WWC1: variants seen among roughly 807,000 people sequenced by gnomAD.
WWC1 encodes the protein protein KIBRA.
WWC1 carries 55 observed loss-of-function variants against 138.4 expected under a neutral mutation model. That is an observed-to-expected ratio of 0.40 (90% CI 0.32 to 0.50). WWC1 has a LOEUF of 0.50. Ranked by LOEUF, WWC1 falls within the 20% of genes least tolerant of loss-of-function variation. The pLI, the probability that WWC1 is intolerant of heterozygous loss-of-function variation, is 0.72. For missense variants in WWC1, 1,226 were observed against 1,420.4 expected (o/e 0.86, Z 2.20); for synonymous variants, 524 against 564.9 (o/e 0.93, Z 1.03).
At chr5:168,349,496 C>T (rs111510805) in intron 1 of WWC1, among the ~76,000 whole-genome samples, 4 of 152,218 alleles carry the variant, frequency 2.6e-5, no homozygotes, top group East Asian at 1.9e-4. Flanking sequence ...GGCCAAGCAG[C>T]CTCACCCTCT....
At chr5:168,364,609 C>T (rs572309804) in intron 1 of WWC1, among the ~76,000 whole-genome samples, 1 of 152,306 alleles carries the variant, frequency 6.6e-6, no homozygotes, top group East Asian at 1.9e-4. Context: ...CTAGCATGGG[C>T]CTGGAGTGCC....
rs144164842 is a variant in WWC1, at chr5:168,396,258, C to T, written c.434-1466C>T. On this transcript the variant is annotated intron_variant, in intron 3 of 22. Coordinates refer to ENST00000265293, the MANE Select transcript of WWC1 (RefSeq NM_015238.3). ...ATTATCCGGGCATGGTGGAGCGTACCTGTAATCCCAGCTACTCAGGAGGCT... is the reference window on the plus strand; with the variant it reads ...ATTATCCGGGCATGGTGGAGCGTACTTGTAATCCCAGCTACTCAGGAGGCT... Among the ~76,000 whole-genome samples the T allele has an allele frequency of 2.6e-5, 4 of 152,304 alleles. No individual in the cohort carries two copies. In the East Asian group the frequency reaches 7.7e-4, roughly 29 times the overall value.
Position 168,292,170 on chromosome 5 carries a change from G to T in WWC1, c.18G>T (p.Leu6=). 6.5e-7 allele frequency: 1 copy of T among 1,545,872 alleles called. No individual in the cohort carries two copies. Among genetic ancestry groups the T allele is most frequent in the Non-Finnish European group, 8.7e-7 (1 of 1,145,166 alleles). Residue 6 remains leucine (L), a synonymous_variant, in exon 1 of 23, where the codon CTG becomes CTT. Coordinates refer to ENST00000265293, the MANE Select transcript of WWC1 (RefSeq NM_015238.3). This position sits in a 1 kb window ranked among gnomAD's most constrained non-coding sequence, Gnocchi z 4.4. ...TTGGGAAGATGCCCCGGCCGGAGCT[G>T]CCCCTGCCGGAGGGCTGGGAGGAGG... MPRPE[L]PLPEGWEEAR... is the part of the protein sequence containing the mutation.
At chr5:168,357,485 TGTG>T (rs1775534643) in intron 1 of WWC1, among the ~76,000 whole-genome samples, 2 of 77,834 alleles carry the variant, frequency 2.6e-5, no homozygotes, top group African/African-American at 3.6e-5. Context: ...TGTGTGTGTG[TGTG>T]TGTGTGCGCG....
intron 2 of WWC1, among the ~76,000 whole-genome samples, chr5:168,380,824 T>C (rs1777572240): frequency 6.6e-6 from 1 of 152,106 alleles, no homozygotes; most frequent in Non-Finnish European, 1.5e-5. Context: ...TAATAAGAAA[T>C]GTACAACAGA....
chr5:168,445,035 G>A (rs570173122), intron 17 of WWC1, among the ~76,000 whole-genome samples: 3 of 152,238 alleles, frequency 2.0e-5, no homozygotes, highest in South Asian at 4.1e-4. Context: ...GAAGAAGAGG[G>A]CCAGGCACGG....
intron 1 of WWC1, among the ~76,000 whole-genome samples, chr5:168,304,740 G>A (rs562650530): frequency 1.4e-4 from 22 of 152,256 alleles, no homozygotes; most frequent in Admixed American, 2.6e-4. Flanking sequence ...TTTGTTAGTG[G>A]TTGAATGGCA....
At chr5:168,428,260 C>T in intron 12 of WWC1, 119 bp downstream of exon 12, 1 of 975,932 alleles carries the variant, frequency 1.0e-6, no homozygotes, top group South Asian at 1.6e-5. Context: ...GGAGGAGCCC[C>T]AAGAGGGCAT....
chr5:168,444,457 A>G (rs141559377), intron 16 of WWC1, 37 bp from the exon 17 acceptor site: 3 of 1,546,754 alleles, frequency 1.9e-6, no homozygotes, highest in Non-Finnish European at 2.6e-6. Context: ...TGGCACCTAC[A>G]TTGTACCCAA....
intron 1 of WWC1, among the ~76,000 whole-genome samples, chr5:168,307,575 C>T (rs919111829): frequency 2.0e-5 from 3 of 149,154 alleles, no homozygotes; most frequent in East Asian, 2.0e-4. Flanking sequence ...TCTGTGGTGG[C>T]GATCAACATC....
chr5:168,464,676 G>C, intron 20 of WWC1, 53 bp from the exon 21 acceptor site: 1 of 1,606,230 alleles, frequency 6.2e-7, no homozygotes, highest in Non-Finnish European at 8.5e-7. Context: ...GAGGCTGGGT[G>C]GGCTCACTGG....
chr5:168,446,555 G>C (rs1755287319), intron 17 of WWC1, among the ~76,000 whole-genome samples: 1 of 152,150 alleles, frequency 6.6e-6, no homozygotes, highest in African/African-American at 2.4e-5. Flanking sequence ...CCTAAGCATA[G>C]AGCTGAGTGA....
At chr5:168,467,215 G>A (rs757259860) in intron 21 of WWC1, among the ~76,000 whole-genome samples, 1 of 152,148 alleles carries the variant, frequency 6.6e-6, no homozygotes, top group East Asian at 1.9e-4. Flanking sequence ...CCGAGATTGC[G>A]CCCCTACACT....
chr5:168,309,605 C>A (rs1770880988), intron 1 of WWC1, among the ~76,000 whole-genome samples: 2 of 152,126 alleles, frequency 1.3e-5, no homozygotes, highest in Non-Finnish European at 2.9e-5. Context: ...GGCTCTGACA[C>A]CTCATTCCTT....
At chr5:168,311,597 A>G (rs1421568188) in intron 1 of WWC1, among the ~76,000 whole-genome samples, 1 of 131,448 alleles carries the variant, frequency 7.6e-6, no homozygotes, top group African/African-American at 2.7e-5. Flanking sequence ...TAGACCAGGC[A>G]CAGTGGCTCA....
At chr5:168,460,532 T>C in intron 19 of WWC1, 118 bp from the exon 20 acceptor site, 1 of 876,048 alleles carries the variant, frequency 1.1e-6, no homozygotes, top group Non-Finnish European at 1.8e-6. Context: ...CCTGGGTGTT[T>C]GCAGAAGGAG....
At chr5:168,426,541 C>T (rs765646552) in intron 11 of WWC1, among the ~76,000 whole-genome samples, 2 of 152,210 alleles carry the variant, frequency 1.3e-5, no homozygotes, top group Non-Finnish European at 2.9e-5. Flanking sequence ...AGAGCTTAGA[C>T]GCTAAGCAGG....
intron 3 of WWC1, among the ~76,000 whole-genome samples, chr5:168,387,730 CCTGA>C (rs1428701324): frequency 1.3e-5 from 2 of 152,126 alleles, no homozygotes; most frequent in Non-Finnish European, 2.9e-5. Flanking sequence ...CTCATTTAAG[CCTGA>C]CTATTTCCCC....
chr5:168,352,471 T>G (rs1351650156), intron 1 of WWC1, among the ~76,000 whole-genome samples: 1 of 152,160 alleles, frequency 6.6e-6, no homozygotes, highest in Non-Finnish European at 1.5e-5. Context: ...ACCCTGAACC[T>G]ATTTGCCTGG....
Sources: allele counts gnomAD v4.1 joint callset (sites outside exome capture counted in the v4.1 genomes callset), GRCh38; gene constraint gnomAD v4.1.1; non-coding constraint Gnocchi (gnomAD v3.1); transcripts MANE v1.5; gene names NCBI Gene and HGNC (gene_info 2026-07-23, HGNC 2026-07-21).